Variants in GOSR2 observed in about 807,000 individuals in gnomAD.
GOSR2 encodes 27 kDa Golgi SNARE protein.
In GOSR2, 20 loss-of-function variants were observed where a neutral mutation model predicts 27.9. The ratio of observed to expected loss-of-function variants is 0.72; its 90% confidence interval spans 0.50 to 1.04. The LOEUF is 1.04. Ranked by LOEUF, GOSR2 falls within the 50% of genes least tolerant of loss-of-function variation. The probability of loss-of-function intolerance (pLI) is 0.00; values close to 1 mark genes in which losing one functional copy is unlikely to be tolerated. For synonymous variants in GOSR2, 91 were observed against 98.8 expected, an observed-to-expected ratio of 0.92 and a Z score of 0.47; for missense variants, 261 against 270.5, an observed-to-expected ratio of 0.97 and a Z score of 0.25.
At chr17:46,944,766 A>AT (rs2089690759), downstream of GOSR2, among the ~76,000 whole-genome samples, 1 of 151,798 alleles carries the variant, frequency 6.6e-6, no homozygotes, top group Admixed American at 6.6e-5. Flanking sequence ...CGCCCGGCTA[A>AT]TTTTTGTATT....
At chr17:46,942,961 T>C (rs2089467263), downstream of GOSR2, among the ~76,000 whole-genome samples, 1 of 152,178 alleles carries the variant, frequency 6.6e-6, no homozygotes, top group Admixed American at 6.5e-5. Flanking sequence ...AGTACAGGGT[T>C]CCCAACCTTG....
chr17:46,954,689 T>C (rs1175364289), intron 6 of GOSR2, among the ~76,000 whole-genome samples: 2 of 152,238 alleles, frequency 1.3e-5, no homozygotes, highest in Non-Finnish European at 2.9e-5. Flanking sequence ...GTTTGTGTCC[T>C]GTTTTATTTC....
At chr17:46,964,246 A>G (rs2091216519) in intron 6 of GOSR2, 1 of 152,206 alleles carries the variant, frequency 6.6e-6, no homozygotes, top group Non-Finnish European at 1.5e-5. Flanking sequence ...GCTTCATCAA[A>G]AACCCACTGA....
intron 1 of GOSR2, among the ~76,000 whole-genome samples, chr17:46,927,334 A>ATTTTG (rs1427552552): frequency 1.3e-5 from 2 of 151,876 alleles, no homozygotes. Context: ...TCATTTGTTT[A>ATTTTG]TTTTGTGGCT....
At chr17:46,948,812 C>G (rs1242705528) in intron 6 of GOSR2, 3 of 152,242 alleles carry the variant, frequency 2.0e-5, no homozygotes, top group African/African-American at 7.2e-5. Flanking sequence ...CAAGGCTGGG[C>G]TTGGGACTGC....
At chr17:46,938,365 C>T (rs987445675) in intron 5 of GOSR2, among the ~76,000 whole-genome samples, 2 of 152,056 alleles carry the variant, frequency 1.3e-5, no homozygotes, top group African/African-American at 4.8e-5. Flanking sequence ...TCAGTCGTTC[C>T]AGCACCATTT....
intron 6 of GOSR2, among the ~76,000 whole-genome samples, chr17:46,954,744 C>T (rs2090598293): frequency 1.3e-5 from 2 of 152,304 alleles, no homozygotes; most frequent in South Asian, 4.1e-4. Flanking sequence ...TCCTTCACAT[C>T]CCTTGTAAAT....
intron 1 of GOSR2, among the ~76,000 whole-genome samples, chr17:46,926,734 A>G (rs923553415): frequency 6.6e-6 from 1 of 152,124 alleles, no homozygotes; most frequent in Non-Finnish European, 1.5e-5. Context: ...TTTCATATTT[A>G]TGTTTTCTTA....
chr17:46,946,988 C>A (rs1949954028), downstream of GOSR2, among the ~76,000 whole-genome samples: 1 of 152,058 alleles, frequency 6.6e-6, no homozygotes, highest in African/African-American at 2.4e-5. Context: ...GACTGCTGCC[C>A]CTGGGGAAGG....
intron 3 of GOSR2, chr17:46,931,468 G>GT: frequency 1.9e-6 from 1 of 526,172 alleles, no homozygotes. Context: ...CTCCAGTTCT[G>GT]TTTTTTGACT....
intron 6 of GOSR2, among the ~76,000 whole-genome samples, chr17:46,965,714 C>G (rs2091286433): frequency 6.6e-6 from 1 of 152,162 alleles, no homozygotes; most frequent in South Asian, 2.1e-4. Flanking sequence ...CCTCGACCTC[C>G]TGGGCTCAAT....
At chr17:46,959,130 CA>C (rs1319431815) in intron 6 of GOSR2, among the ~76,000 whole-genome samples, 1 of 152,080 alleles carries the variant, frequency 6.6e-6, no homozygotes, top group Non-Finnish European at 1.5e-5. Flanking sequence ...TGTGGCTAGG[CA>C]GCGATACTGA....
downstream of GOSR2, among the ~76,000 whole-genome samples, chr17:46,944,691 C>T (rs1320728427): frequency 6.6e-6 from 1 of 151,766 alleles, no homozygotes; most frequent in African/African-American, 2.4e-5. Context: ...CCTCTGCCTC[C>T]TGGGTTCAAG....
chr17:46,931,498 G>T, intron 3 of GOSR2: 1 of 463,588 alleles, frequency 2.2e-6, no homozygotes. Context: ...GCCACCTGAA[G>T]CCTAATGTTG....
downstream of GOSR2, among the ~76,000 whole-genome samples, chr17:46,971,078 C>T (rs1033543042): frequency 3.3e-5 from 5 of 152,088 alleles, no homozygotes; most frequent in Non-Finnish European, 5.9e-5. Flanking sequence ...TAGGCCGGTG[C>T]GGTGGCTCAT....
intron 6 of GOSR2, among the ~76,000 whole-genome samples, chr17:46,974,984 T>C (rs1314771121): frequency 3.7e-5 from 3 of 80,670 alleles, no homozygotes; most frequent in Non-Finnish European, 7.7e-5. Context: ...GAATTACTAT[T>C]TTCTTTTTTT....
At chr17:46,963,609 A>G (rs1423466624) in intron 6 of GOSR2, 3 of 151,950 alleles carry the variant, frequency 2.0e-5, no homozygotes, top group East Asian at 1.9e-4. Flanking sequence ...GACACACTTC[A>G]TAACAAGCAC....
At chr17:46,945,536 C>G (rs542983216), downstream of GOSR2, among the ~76,000 whole-genome samples, 7 of 152,314 alleles carry the variant, frequency 4.6e-5, no homozygotes, top group East Asian at 1.4e-3. Flanking sequence ...AGTTTCCTGT[C>G]TGTATTCAGC....
downstream of GOSR2, among the ~76,000 whole-genome samples, chr17:46,946,177 T>C (rs181841146): frequency 2.0e-5 from 3 of 151,390 alleles, no homozygotes; most frequent in African/African-American, 7.3e-5. Flanking sequence ...GTCTCATGCC[T>C]GTAATCCCAG....
Sources: gnomAD v4.1 joint callset for allele counts (sites outside exome capture counted in the v4.1 genomes callset) on GRCh38, gnomAD v4.1.1 for gene constraint, MANE v1.5 for transcripts, NCBI Gene and HGNC (gene_info 2026-07-23, HGNC 2026-07-21) for gene names.